The following OXR1 variants were observed in gnomAD, a reference collection of about 807,000 sequenced individuals.
The protein encoded by OXR1 is oxidation resistance protein 1.
OXR1 carries 41 observed loss-of-function variants against 104.6 expected under a neutral mutation model. That is an observed-to-expected ratio of 0.39 (90% confidence interval 0.31 to 0.51). OXR1 has a LOEUF of 0.51. Among genes scored for constraint, OXR1 ranks in the 20% least tolerant of loss-of-function variants. The probability of loss-of-function intolerance (pLI) is 0.77; values close to 1 mark genes in which losing one functional copy is unlikely to be tolerated. For synonymous variants in OXR1, 348 were observed against 348.4 expected (o/e 1.00, Z 0.01); for missense variants, 955 against 1,031.9 (o/e 0.93, Z 1.02).
At chr8:106,445,192 G>GTATTT (rs2130598886) in intron 2 of OXR1, among the ~76,000 whole-genome samples, 2 of 152,184 alleles carry the variant, frequency 1.3e-5, no homozygotes, top group South Asian at 4.1e-4. Context: ...CTCATCTTAC[G>GTATTT]TATTTTATTT....
intron 3 of OXR1, among the ~76,000 whole-genome samples, chr8:106,601,072 A>T (rs1819933800): frequency 6.6e-6 from 1 of 152,200 alleles, no homozygotes; most frequent in African/African-American, 2.4e-5. Flanking sequence ...AGTTTGGAGT[A>T]TTGTAAGAAA....
intron 3 of OXR1, among the ~76,000 whole-genome samples, chr8:106,563,146 C>A (rs866251716): frequency 5.3e-5 from 8 of 152,022 alleles, no homozygotes; most frequent in East Asian, 1.9e-4. Context: ...GTTAACGGGC[C>A]AAATGTCTCA....
At chr8:106,603,024 T>A (rs1820090910) in intron 3 of OXR1, among the ~76,000 whole-genome samples, 1 of 152,176 alleles carries the variant, frequency 6.6e-6, no homozygotes, top group African/African-American at 2.4e-5. Context: ...TTTTCACCAC[T>A]GGGTATTATT....
intron 15 of OXR1, among the ~76,000 whole-genome samples, chr8:106,742,924 C>G (rs1333887804): frequency 6.6e-6 from 1 of 152,106 alleles, no homozygotes; most frequent in Non-Finnish European, 1.5e-5. Flanking sequence ...AAAGCAGTTG[C>G]AACAGAAGCA....
chr8:106,582,048 A>G (rs1412927126), intron 3 of OXR1, among the ~76,000 whole-genome samples: 1 of 145,808 alleles, frequency 6.9e-6, no homozygotes, highest in Non-Finnish European at 1.5e-5. Flanking sequence ...AAAAAAACCT[A>G]AAAAACAACA....
intron 1 of OXR1, among the ~76,000 whole-genome samples, chr8:106,307,534 A>C: frequency 6.7e-6 from 1 of 149,642 alleles, no homozygotes. Context: ...CGGTTCCCAT[A>C]CTCACTGGCC....
chr8:106,439,717 C>T (rs1032815850), intron 2 of OXR1, among the ~76,000 whole-genome samples: 5 of 152,030 alleles, frequency 3.3e-5, no homozygotes, highest in African/African-American at 1.2e-4. Context: ...GCTAGGAGAT[C>T]GAGCAGAGCA....
intron 1 of OXR1, among the ~76,000 whole-genome samples, chr8:106,304,799 A>G (rs964257736): frequency 1.3e-5 from 2 of 152,098 alleles, no homozygotes; most frequent in Non-Finnish European, 2.9e-5. Context: ...TATTTGATGG[A>G]ACATATATTG....
chr8:106,634,777 C>A (rs72682810), intron 3 of OXR1, among the ~76,000 whole-genome samples: 5 of 150,524 alleles, frequency 3.3e-5, no homozygotes, highest in Admixed American at 1.3e-4. Context: ...CACATGGAAG[C>A]AAACATGCAA....
chr8:106,696,321 A>G (rs1563718836), intron 7 of OXR1, among the ~76,000 whole-genome samples: 2 of 152,170 alleles, frequency 1.3e-5, no homozygotes, highest in Admixed American at 6.6e-5. Flanking sequence ...CTTTTTACTA[A>G]TATTACTGAA....
chr8:106,656,585 G>C (rs1209978321), intron 3 of OXR1, among the ~76,000 whole-genome samples: 1 of 152,124 alleles, frequency 6.6e-6, no homozygotes, highest in Non-Finnish European at 1.5e-5. Flanking sequence ...GCAGAAGTCT[G>C]GAACAGTTCT....
chr8:106,605,240 A>G (rs895771171), intron 3 of OXR1: 1 of 152,150 alleles, frequency 6.6e-6, no homozygotes, highest in African/African-American at 2.4e-5. Flanking sequence ...GAAAGCTAAA[A>G]TTTTTTAAAA....
intron 6 of OXR1, among the ~76,000 whole-genome samples, chr8:106,690,953 C>T (rs1047466544): frequency 2.0e-5 from 3 of 151,670 alleles, no homozygotes; most frequent in East Asian, 1.9e-4. Context: ...AATTTTCAAT[C>T]GCAAAAGAGG....
At chr8:106,439,556 T>C (rs1285587923) in intron 2 of OXR1, among the ~76,000 whole-genome samples, 2 of 152,118 alleles carry the variant, frequency 1.3e-5, no homozygotes. Flanking sequence ...GATATTTTGT[T>C]TTAAATTCAG....
chr8:106,586,965 A>C (rs1043724261), intron 3 of OXR1, among the ~76,000 whole-genome samples: 1 of 152,146 alleles, frequency 6.6e-6, no homozygotes, highest in African/African-American at 2.4e-5. Flanking sequence ...AATTAGGGAA[A>C]ATTTCTAGGA....
intron 2 of OXR1, chr8:106,448,105 G>A (rs1255930487): frequency 2.0e-6 from 3 of 1,515,908 alleles, no homozygotes; most frequent in Admixed American, 2.0e-5. Context: ...TGAAGAAAAC[G>A]TTTCCTAGTT....
At chr8:106,719,038 C>T (rs1386686609) in intron 11 of OXR1, among the ~76,000 whole-genome samples, 1 of 152,094 alleles carries the variant, frequency 6.6e-6, no homozygotes, top group African/African-American at 2.4e-5. Flanking sequence ...ATCTGATAAC[C>T]TTATTTGATA....
chr8:106,313,868 ACT>A (rs1813818746), intron 1 of OXR1, among the ~76,000 whole-genome samples: 1 of 152,202 alleles, frequency 6.6e-6, no homozygotes, highest in Non-Finnish European at 1.5e-5. Flanking sequence ...TGTAGCAGAA[ACT>A]TTCTGAAAAC....
intron 2 of OXR1, among the ~76,000 whole-genome samples, chr8:106,394,154 T>G (rs1007777188): frequency 6.6e-6 from 1 of 152,000 alleles, no homozygotes; most frequent in African/African-American, 2.4e-5. Flanking sequence ...TTCTAAGAGT[T>G]GGGGGCAGGA....
Sources: gnomAD v4.1 joint callset for allele counts (sites outside exome capture counted in the v4.1 genomes callset) on GRCh38, gnomAD v4.1.1 for gene constraint, MANE v1.5 for transcripts, NCBI Gene and HGNC (gene_info 2026-07-23, HGNC 2026-07-21) for gene names.